Variants in CDH18 observed in about 807,000 individuals in gnomAD.
CDH18 encodes the protein cadherin-18.
Under a neutral mutation model 67.9 loss-of-function variants are expected in CDH18, and 31 were observed. That is an observed-to-expected ratio of 0.46 (90% CI 0.34 to 0.62). The LOEUF is 0.62. CDH18 is among the 20% of genes least tolerant of loss of function. The pLI is 0.01. For synonymous variants in CDH18, 362 were observed against 347.2 expected, an observed-to-expected ratio of 1.04 and a Z score of -0.48; for missense variants, 890 against 975.5, an observed-to-expected ratio of 0.91 and a Z score of 1.17.
rs149949250 is a variant in CDH18 at position 19,716,530 on chromosome 5, T to C, written c.643+4817A>G. ...AATAATCTGACTGTGTCTTTGAAAC[T>C]GATAGTCATTATTAGGTGTAGGGAA... On this transcript the variant is annotated intron_variant, in intron 5 of 12. Transcript: ENST00000382275. Among the ~76,000 whole-genome samples the C allele has an allele frequency of 2.6e-5, 4 of 152,156 alleles. No homozygotes were observed. In the East Asian group the frequency reaches 7.7e-4, roughly 29 times the overall value.
chr5:20,078,705 C>T (rs914279374), intron 2 of CDH18, among the ~76,000 whole-genome samples: 7 of 151,686 alleles, frequency 4.6e-5, no homozygotes, highest in African/African-American at 9.7e-5. Flanking sequence ...TGGGTTCAAG[C>T]GATTTTCCTG....
intron 7 of CDH18, among the ~76,000 whole-genome samples, chr5:19,581,821 A>T (rs1046480502): frequency 1.3e-5 from 2 of 148,152 alleles, no homozygotes; most frequent in African/African-American, 5.2e-5. Context: ...TTGTCAAAAC[A>T]CAGGAAAATT....
chr5:19,725,931 T>A (rs1456785657), intron 4 of CDH18, among the ~76,000 whole-genome samples: 1 of 152,192 alleles, frequency 6.6e-6, no homozygotes, highest in Non-Finnish European at 1.5e-5. Flanking sequence ...GTTTTGAAAT[T>A]AGCTCTGGCC....
At chr5:20,143,974 G>C (rs768216828) in intron 2 of CDH18, among the ~76,000 whole-genome samples, 2 of 152,154 alleles carry the variant, frequency 1.3e-5, no homozygotes, top group Non-Finnish European at 2.9e-5. Context: ...GGCCTCTCTT[G>C]TGTGATGTCT....
intron 2 of CDH18, among the ~76,000 whole-genome samples, chr5:19,875,430 AGAT>A (rs1561488595): frequency 4.7e-5 from 7 of 149,976 alleles, no homozygotes; most frequent in African/African-American, 1.8e-4. Context: ...ATAGATAGAT[AGAT>A]AGATAGATCG....
At chr5:20,274,919 T>C (rs1031020646) in intron 1 of CDH18, among the ~76,000 whole-genome samples, 2 of 152,070 alleles carry the variant, frequency 1.3e-5, no homozygotes, top group Non-Finnish European at 2.9e-5. Flanking sequence ...AAAAATGCAA[T>C]AGCATTCCAA....
chr5:19,483,427 T>A lies in CDH18; in HGVS notation c.1756A>T (p.Ile586Phe). The A allele has an allele frequency of 1.9e-6, 3 of 1,614,072 alleles. 1 individual carries two copies. The South Asian group carries it at 3.3e-5, about 18-fold the overall frequency. The change falls in exon 12 of 13, where the codon ATC becomes TTC. Residue 586 changes from isoleucine to phenylalanine, a missense_variant. By Grantham distance (21) the Ile-to-Phe change is conservative. Transcript: ENST00000382275. ...TCTCTCTCGCATGCACAAACCCTGA[T>A]GGTGAGGGTGCTGCTGCTGCTGAGA... is the stretch of plus-strand genomic sequence containing the variant. ...PSLSSSSTLT[I>F]RVCACERDGR...
intron 2 of CDH18, among the ~76,000 whole-genome samples, chr5:20,028,514 T>C (rs1739110251): frequency 6.6e-6 from 1 of 152,178 alleles, no homozygotes; most frequent in South Asian, 2.1e-4. Flanking sequence ...ATCTGAATGA[T>C]ATAAAGGTTC....
intron 1 of CDH18, among the ~76,000 whole-genome samples, chr5:20,492,149 T>C (rs990373082): frequency 6.6e-6 from 1 of 152,014 alleles, no homozygotes; most frequent in African/African-American, 2.4e-5. Flanking sequence ...TGGGGTATAA[T>C]CTCATCAGTC....
At chr5:19,947,627 GGCGCCT>G (rs987343433) in intron 2 of CDH18, among the ~76,000 whole-genome samples, 1 of 150,356 alleles carries the variant, frequency 6.7e-6, no homozygotes, top group Non-Finnish European at 1.5e-5. Flanking sequence ...AGCCAGGTGT[GGCGCCT>G]GCGCCTGCAC....
chr5:20,350,073 T>C (rs897101811), intron 1 of CDH18, among the ~76,000 whole-genome samples: 3 of 152,174 alleles, frequency 2.0e-5, no homozygotes, highest in Admixed American at 2.0e-4. Flanking sequence ...AATATTTTTA[T>C]GTTTAGATAA....
intron 1 of CDH18, among the ~76,000 whole-genome samples, chr5:20,472,553 AT>A (rs775055625): frequency 1.3e-5 from 2 of 152,222 alleles, no homozygotes; most frequent in Non-Finnish European, 2.9e-5. Context: ...CTCTAAAAAA[AT>A]AAAGTTTACT....
intron 2 of CDH18, among the ~76,000 whole-genome samples, chr5:20,052,251 G>T (rs1187705633): frequency 6.6e-6 from 1 of 152,070 alleles, no homozygotes; most frequent in Non-Finnish European, 1.5e-5. Context: ...TAGTGACATG[G>T]CATGTCAGGA....
intron 3 of CDH18, among the ~76,000 whole-genome samples, chr5:19,804,858 G>T (rs1332157889): frequency 6.6e-6 from 1 of 151,974 alleles, no homozygotes; most frequent in Admixed American, 6.6e-5. Flanking sequence ...CTTGAATATG[G>T]CTCAGCCTCT....
In CDH18 at chr5:19,473,122, C is replaced by T. The variant is rs1737810969; in HGVS notation, c.*104G>A. The T allele has an allele frequency of 2.1e-6, 3 of 1,396,774 alleles. No individual in the cohort carries two copies. The South Asian group carries it at 4.2e-5, about 19-fold the overall frequency. 86.5% of individuals were successfully genotyped at this position (1,396,774 alleles called of 1,614,324 possible). A position where few individuals can be genotyped will look rare whatever the true frequency, so the allele number is the denominator to read the frequency against. On this transcript the variant is annotated 3_prime_UTR_variant, in exon 13 of 13. Coordinates refer to ENST00000382275, the MANE Select transcript of CDH18 (RefSeq NM_004934.5). ...TTTCTACAGGAGCTGTGTCCAGCTT[C>T]CTCAGTTCCAAGTACTGTTTCCACA...
chr5:19,810,945 C>T (rs1778573438), intron 3 of CDH18, among the ~76,000 whole-genome samples: 1 of 151,648 alleles, frequency 6.6e-6, no homozygotes. Flanking sequence ...ATTGCTTGAA[C>T]CCAGGAGGTG....
intron 5 of CDH18, among the ~76,000 whole-genome samples, chr5:19,664,196 A>G (rs1442761566): frequency 6.6e-6 from 1 of 151,876 alleles, no homozygotes; most frequent in African/African-American, 2.4e-5. Flanking sequence ...CCTTTCAACA[A>G]TCAGAGAAAT....
intron 5 of CDH18, among the ~76,000 whole-genome samples, chr5:19,625,976 C>A (rs1193170538): frequency 3.9e-5 from 6 of 152,068 alleles, no homozygotes; most frequent in Admixed American, 3.9e-4. Context: ...AAGCATCTGC[C>A]AGCCTAAACT....
At chr5:19,591,876 C>T (rs573514797) in intron 6 of CDH18, among the ~76,000 whole-genome samples, 9 of 151,900 alleles carry the variant, frequency 5.9e-5, no homozygotes, top group South Asian at 2.1e-4. Flanking sequence ...TTTTAAAAAT[C>T]GATTACAGAG....
Sources: gnomAD v4.1 joint callset for allele counts (sites outside exome capture counted in the v4.1 genomes callset) on GRCh38, gnomAD v4.1.1 for gene constraint, MANE v1.5 for transcripts, NCBI Gene and HGNC (gene_info 2026-07-23, HGNC 2026-07-21) for gene names.